MRGPRX1: variants seen among roughly 807,000 people sequenced by gnomAD.
MRGPRX1 encodes mas-related G protein-coupled receptor member X1.
For missense variants in MRGPRX1, 411 were observed against 393.8 expected, an observed-to-expected ratio of 1.04 and a Z score of -0.37; for synonymous variants, 208 against 170.4, an observed-to-expected ratio of 1.22 and a Z score of -1.72.
At chr11:18,937,457 A>G (rs752105989) in intron 1 of MRGPRX1, among the ~76,000 whole-genome samples, 1 of 151,564 alleles carries the variant, frequency 6.6e-6, no homozygotes, top group Non-Finnish European at 1.5e-5. Context: ...TTCCTTATAT[A>G]AAATGATGTG....
At chr11:18,935,408 A>G (rs1240904944) in intron 1 of MRGPRX1, 2 of 151,678 alleles carry the variant, frequency 1.3e-5, no homozygotes, top group Non-Finnish European at 2.9e-5. Context: ...GAATGCATGC[A>G]TGAGAAGCCT....
chr11:18,934,647 T>C lies in MRGPRX1; in HGVS notation c.138A>G (p.Ala46=), dbSNP rs2014931. 621,542 of 1,603,634 alleles carry C rather than the reference T, an allele frequency of 0.39. 109,722 individuals carry two copies. Among genetic ancestry groups the C allele is most frequent in the South Asian group, 0.41 (37,477 of 90,544 alleles). The change falls in exon 2 of 2, where the codon GCA becomes GCG. Residue 46 remains alanine, a synonymous_variant. Coordinates refer to ENST00000526914, the MANE Select transcript of MRGPRX1 (RefSeq NM_001393578.1). The part of the protein sequence containing the change: ...IVSLVGLTGN[A]VVLWLLGCRM... ...GGCAGCCCAGGAGCCAGAGCACAAC[T>C]GCGTTTCCTGTCAGCCCGACAAGGG...
At chr11:18,939,018 G>C (rs1350689033) in intron 1 of MRGPRX1, among the ~76,000 whole-genome samples, 1 of 151,524 alleles carries the variant, frequency 6.6e-6, no homozygotes, top group Non-Finnish European at 1.5e-5. Flanking sequence ...AATGTGAGAG[G>C]CAGCATTTTC....
In MRGPRX1 at chr11:18,934,145, G is replaced by T; in HGVS notation, c.640C>A (p.Leu214Met). ...CGSRKIPLTR[L>M]YVTILLTVLV... ...ACTGTGAGCAGGATGGTCACGTACAGCCTGGTCAGCGGTATCTTCCGGGAT... is the reference window on the plus strand; with the variant it reads ...ACTGTGAGCAGGATGGTCACGTACATCCTGGTCAGCGGTATCTTCCGGGAT... Residue 214 changes from leucine (L) to methionine (M), a missense_variant, in exon 2 of 2, where the codon CTG becomes ATG. By Grantham distance (15) the Leu-to-Met change is conservative. Transcript: ENST00000526914. 2.5e-6 allele frequency: 4 copies of T among 1,610,942 alleles called. No homozygotes were observed. Among genetic ancestry groups the T allele is most frequent in the Non-Finnish European group, 3.4e-6 (4 of 1,178,230 alleles).
rs1232679101 is a variant in MRGPRX1 at position 18,934,543 on chromosome 11, A to G, written c.242T>C (p.Ile81Thr). The G allele has an allele frequency of 2.5e-6, 4 of 1,610,194 alleles. No individual in the cohort carries two copies. The highest frequency in any genetic ancestry group is 8.5e-7 in the Non-Finnish European group (1 of 1,177,876). The change falls in exon 2 of 2, where the codon ATA (isoleucine) becomes ACA (threonine). Residue 81 changes from isoleucine (I) to threonine (T), a missense_variant. By Grantham distance (89) the Ile-to-Thr change is moderately conservative. Coordinates refer to ENST00000526914, the MANE Select transcript of MRGPRX1 (RefSeq NM_001393578.1). ...ACTGATGAAGCTTAACAGGGAATAT[A>G]TAAGGCGGCCGCTGAGGAAGAGGAA... ...ADFLFLSGRL[I>T]YSLLSFISIP...
In MRGPRX1 at chr11:18,933,856, T is replaced by A; in HGVS notation, c.929A>T (p.Glu310Val). ...EVDEGGGQLPEEILELSGSRL... is the reference protein window; with the variant it reads ...EVDEGGGQLPVEILELSGSRL... ...GCTTCCCGACAGCTCCAGGATTTCCTCAGGAAGCTGCCCTCCACCTTCATC... is the reference window on the plus strand; with the variant it reads ...GCTTCCCGACAGCTCCAGGATTTCCACAGGAAGCTGCCCTCCACCTTCATC... Residue 310 changes from glutamate (E) to valine (V), a missense_variant, in exon 2 of 2, where the codon GAG becomes GTG. Transcript: ENST00000526914. 6.2e-7 allele frequency: 1 copy of A among 1,610,014 alleles called. No individual in the cohort carries two copies. Among genetic ancestry groups the A allele is most frequent in the South Asian group, 1.1e-5 (1 of 90,696 alleles).
chr11:18,936,827 TAA>T (rs751887864), intron 1 of MRGPRX1, among the ~76,000 whole-genome samples: 3 of 151,398 alleles, frequency 2.0e-5, no homozygotes, highest in Admixed American at 6.6e-5. Flanking sequence ...CCTAGAGAAT[TAA>T]AGTGTTTTCA....
rs1040157462 is a variant in MRGPRX1, at chr11:18,936,680, T to A, written c.-25-1871A>T. On this transcript the variant is annotated intron_variant, in intron 1 of 1. Transcript: ENST00000526914. ...TATATTTAGGGTAATGGTGTGTTTGTCTTCCTCATGAAACCTGAAGCTTCA... is the reference window on the plus strand; with the variant it reads ...TATATTTAGGGTAATGGTGTGTTTGACTTCCTCATGAAACCTGAAGCTTCA... Among the ~76,000 whole-genome samples, 10 of 151,684 alleles carry A rather than the reference T, an allele frequency of 6.6e-5. 1 individual carries two copies. The highest frequency in any genetic ancestry group is 3.4e-3 in the Middle Eastern group (1 of 292).
intron 1 of MRGPRX1, among the ~76,000 whole-genome samples, chr11:18,937,223 T>A (rs1238640469): frequency 1.3e-5 from 2 of 151,290 alleles, no homozygotes; most frequent in Non-Finnish European, 3.0e-5. Flanking sequence ...TTTTCCATCA[T>A]GCTGAAATGC....
rs1475546069 is a variant in MRGPRX1, at chr11:18,934,280, C to G, written c.505G>C (p.Asp169His). 4 of 1,610,554 alleles carry G rather than the reference C, an allele frequency of 2.5e-6. No individual in the cohort carries two copies. In the African/African-American group the frequency reaches 4.0e-5, roughly 16 times the overall value. ...TCTGATGTTTGACACCAAGCAGAAT[C>G]AGCACCACTGAACAGGAAGCCACAT... The part of the protein sequence containing the change: ...MLCGFLFSGA[D>H]SAWCQTSDFI... Residue 169 changes from aspartate (D) to histidine (H), a missense_variant, in exon 2 of 2, where the codon GAT becomes CAT. Coordinates refer to ENST00000526914, the MANE Select transcript of MRGPRX1 (RefSeq NM_001393578.1).
rs757667446 is a variant in MRGPRX1, at chr11:18,934,616, G to A, written c.169C>T (p.Arg57Cys). 11 of 1,610,186 alleles carry A rather than the reference G, an allele frequency of 6.8e-6. No individual in the cohort carries two copies. In the African/African-American group the frequency reaches 8.0e-5, roughly 12 times the overall value. The change falls in exon 2 of 2, where the codon CGC becomes TGC. Residue 57 changes from arginine (R) to cysteine (C), a missense_variant. Transcript: ENST00000526914. ...VVLWLLGCRM[R>C]RNAFSIYILN... ...ATGTAGATGGAGAAGGCGTTCCTGC[G>A]CATGCGGCAGCCCAGGAGCCAGAGC...
intron 1 of MRGPRX1, 87 bp downstream of exon 1, chr11:18,939,193 C>T (rs1848863107): frequency 6.6e-6 from 1 of 151,718 alleles, no homozygotes; most frequent in South Asian, 2.1e-4. Context: ...TCATGATCCC[C>T]TGCCTGTAGC....
intron 1 of MRGPRX1, chr11:18,935,167 C>T (rs769541267): frequency 1.5e-5 from 3 of 195,678 alleles, no homozygotes; most frequent in Non-Finnish European, 2.1e-5. Context: ...GGTTGTGACA[C>T]CCTCATGACC....
chr11:18,937,807 T>C (rs1265036517), intron 1 of MRGPRX1, among the ~76,000 whole-genome samples: 1 of 151,508 alleles, frequency 6.6e-6, no homozygotes, highest in Admixed American at 6.6e-5. Flanking sequence ...ATATGTTCTC[T>C]TTTTAAAATT....
rs751891064 is a variant in MRGPRX1 at position 18,934,182 on chromosome 11, C to T, written c.603G>A (p.Arg201=). ...GTATCTTCCGGGATCCACAGAGAAT[C>T]CTGATCAGCAGGACCAGGCTGGACC... ...LCGSSLVLLI[R]ILCGSRKIPL... The change falls in exon 2 of 2, where the codon AGG becomes AGA. Residue 201 remains arginine (R), a synonymous_variant. Transcript: ENST00000526914. 1.2e-6 allele frequency: 2 copies of T among 1,610,716 alleles called. No individual in the cohort carries two copies. The highest frequency in any genetic ancestry group is 3.4e-5 in the Admixed American group (2 of 59,382).
At position 18,933,996 on chromosome 11, in the gene MRGPRX1, A is replaced by G; in HGVS notation, c.789T>C (p.Leu263=). The G allele has an allele frequency of 1.9e-6, 3 of 1,611,000 alleles. No homozygotes were observed. Among genetic ancestry groups the G allele is most frequent in the Non-Finnish European group, 2.5e-6 (3 of 1,178,238 alleles). The change falls in exon 2 of 2, where the codon CTT becomes CTC. Residue 263 remains leucine, a synonymous_variant. Transcript: ENST00000526914. ...VHLVSIFLSA[L]NSSANPIIYF... is the part of the protein sequence containing the mutation. ...AAATGATGGGGTTGGCACTGCTGTT[A>G]AGAGCGGACAGGAAAATAGAAACTA... is the stretch of plus-strand genomic sequence containing the variant.
In MRGPRX1 at chr11:18,934,081, T is replaced by C. The variant is rs1170184875; in HGVS notation, c.704A>G (p.Gln235Arg). Residue 235 changes from glutamine (Q) to arginine (R), a missense_variant, in exon 2 of 2, where the codon CAG (glutamine) becomes CGG (arginine). Gln to Arg is a conservative substitution (Grantham distance 43). Coordinates refer to ENST00000526914, the MANE Select transcript of MRGPRX1 (RefSeq NM_001393578.1). ...GTGGATCCATAAAAATAGGAAAAACTGAATGCCAAAGGGCAGGCCACAGAG... is the reference window on the plus strand; with the variant it reads ...GTGGATCCATAAAAATAGGAAAAACCGAATGCCAAAGGGCAGGCCACAGAG... ...FLLCGLPFGI[Q>R]FFLFLWIHVD... is the part of the protein sequence containing the mutation. The C allele has an allele frequency of 6.2e-7, 1 of 1,610,676 alleles. No individual in the cohort carries two copies. The highest frequency in any genetic ancestry group is 2.2e-5 in the East Asian group (1 of 44,778).
Position 18,934,394 on chromosome 11 carries a change from G to T in MRGPRX1, c.391C>A (p.Arg131Ser), listed in dbSNP as rs111448117. Residue 131 changes from arginine to serine, a missense_variant, in exon 2 of 2, where the codon CGC (arginine) becomes AGC (serine). By Grantham distance (110) the Arg-to-Ser change is moderately radical (BLOSUM62 -1). Transcript: ENST00000526914. ...GACAGGTGTGTGGGGCGGTGGCAGC[G>T]GTACCAGATGGGCCACAGGACGGAC... ...CLSVLWPIWY[R>S]CHRPTHLSAV... 8.0e-3 allele frequency: 12,954 copies of T among 1,610,392 alleles called. 473 individuals are homozygous for T. Among genetic ancestry groups the T allele is most frequent in the Non-Finnish European group, 8.6e-3 (10,152 of 1,177,814 alleles).
chr11:18,937,140 C>T (rs1276923151), intron 1 of MRGPRX1, among the ~76,000 whole-genome samples: 1 of 151,488 alleles, frequency 6.6e-6, no homozygotes, highest in Non-Finnish European at 1.5e-5. Flanking sequence ...GTGAAAGATG[C>T]ACAAAAGTGA....
Sources: gnomAD v4.1 joint callset for allele counts (sites outside exome capture counted in the v4.1 genomes callset) on GRCh38, gnomAD v4.1.1 for gene constraint, MANE v1.5 for transcripts, NCBI Gene and HGNC (gene_info 2026-07-23, HGNC 2026-07-21) for gene names.